Variants in RHOJ observed in about 807,000 individuals in gnomAD.
RHOJ encodes rho-related GTP-binding protein RhoJ.
Under a neutral mutation model 23.4 loss-of-function variants are expected in RHOJ, and 11 were observed. That is an observed-to-expected ratio of 0.47 (90% CI 0.30 to 0.78). The LOEUF (loss-of-function observed/expected upper bound fraction) is 0.78. RHOJ is among the 30% of genes least tolerant of loss of function. The pLI, the probability that RHOJ is intolerant of heterozygous loss-of-function variation, is 0.08. For synonymous variants in RHOJ, 102 were observed against 102.7 expected (o/e 0.99, Z 0.04); for missense variants, 254 against 273.4 (o/e 0.93, Z 0.50).
chr14:63,283,073 G>T (rs1332797022), intron 3 of RHOJ, 48 bp from the exon 4 acceptor site: 5 of 1,429,256 alleles, frequency 3.5e-6, no homozygotes, highest in East Asian at 4.5e-5. Flanking sequence ...AAAATATCTG[G>T]CAAGGCCTGA....
chr14:63,245,973 C>T (rs1306195078), intron 1 of RHOJ, among the ~76,000 whole-genome samples: 1 of 152,126 alleles, frequency 6.6e-6, no homozygotes, highest in Non-Finnish European at 1.5e-5. Flanking sequence ...TGATTTATGA[C>T]CTTGTCATAA....
intron 1 of RHOJ, among the ~76,000 whole-genome samples, chr14:63,211,949 C>A (rs1444831461): frequency 1.3e-5 from 2 of 152,170 alleles, no homozygotes; most frequent in African/African-American, 4.8e-5. Flanking sequence ...CTGCTATTAA[C>A]AAGTAAACCA....
At chr14:63,245,859 CAGA>C (rs540165208) in intron 1 of RHOJ, among the ~76,000 whole-genome samples, 59 of 152,292 alleles carry the variant, frequency 3.9e-4, no homozygotes, top group African/African-American at 1.4e-3. Context: ...TCAGAGTCAT[CAGA>C]AGAAGGGGGT....
At chr14:63,216,533 TTATTAGGAGGAAA>T (rs1894359719) in intron 1 of RHOJ, among the ~76,000 whole-genome samples, 1 of 152,190 alleles carries the variant, frequency 6.6e-6, no homozygotes, top group South Asian at 2.1e-4. Context: ...AAAGTAAGAA[TTATTAGGAGGAAA>T]ACAAGGCTAT....
rs937881361 is a variant in RHOJ at position 63,293,220 on chromosome 14, G to C, written c.*2196G>C. 5 of 152,322 alleles carry C rather than the reference G, an allele frequency of 3.3e-5. No individual in the cohort carries two copies. The highest frequency in any genetic ancestry group is 2.1e-4 in the South Asian group (1 of 4,824). 9.4% of individuals were successfully genotyped at this position (152,322 alleles called of 1,614,324 possible). A position where few individuals can be genotyped will look rare whatever the true frequency, so the allele number is the denominator to read the frequency against. The stretch of plus-strand genomic sequence containing the variant: ...GTAATAAATGAAATGTTATTAGGCA[G>C]CTTTGTTGCATGATTGCATAGTTAT... On this transcript the variant is annotated 3_prime_UTR_variant, in exon 5 of 5. Coordinates refer to ENST00000316754, the MANE Select transcript of RHOJ (RefSeq NM_020663.5).
At chr14:63,210,942 T>C (rs1281127356) in intron 1 of RHOJ, among the ~76,000 whole-genome samples, 1 of 152,168 alleles carries the variant, frequency 6.6e-6, no homozygotes, top group Non-Finnish European at 1.5e-5. Flanking sequence ...GCCATCAAAT[T>C]TGGAAAACCA....
chr14:63,290,358 C>T (rs1253546643), intron 4 of RHOJ, among the ~76,000 whole-genome samples: 1 of 152,144 alleles, frequency 6.6e-6, no homozygotes, highest in Non-Finnish European at 1.5e-5. Context: ...AAAACCATAT[C>T]ATTCACTCTC....
intron 1 of RHOJ, among the ~76,000 whole-genome samples, chr14:63,227,043 C>A (rs1894607235): frequency 6.6e-6 from 1 of 152,124 alleles, no homozygotes. Context: ...CCTCTGCCTC[C>A]TGGGTTCAAG....
intron 1 of RHOJ, among the ~76,000 whole-genome samples, chr14:63,264,965 G>C (rs771814490): frequency 6.6e-6 from 1 of 152,196 alleles, no homozygotes; most frequent in African/African-American, 2.4e-5. Flanking sequence ...TAGGTTGTCT[G>C]ATTACTCTGT....
intron 1 of RHOJ, among the ~76,000 whole-genome samples, chr14:63,245,701 G>C (rs1219490869): frequency 6.6e-6 from 1 of 152,096 alleles, no homozygotes; most frequent in Non-Finnish European, 1.5e-5. Flanking sequence ...GTACAAATCT[G>C]ATCTTAGACC....
intron 1 of RHOJ, among the ~76,000 whole-genome samples, chr14:63,259,947 A>C (rs1344654572): frequency 6.6e-6 from 1 of 152,242 alleles, no homozygotes; most frequent in Non-Finnish European, 1.5e-5. Flanking sequence ...ATATAATCTT[A>C]GGATGACAAC....
At position 63,230,852 on chromosome 14, in the gene RHOJ, T is replaced by TTTTTTC. The variant is rs1303312485; in HGVS notation, c.178+25810_178+25811insCTTTTT. Among the ~76,000 whole-genome samples the TTTTTTC allele has an allele frequency of 1.3e-5, 2 of 148,434 alleles. 1 individual carries two copies. The highest frequency in any genetic ancestry group is 3.9e-4 in the East Asian group (2 of 5,072). On this transcript the variant is annotated intron_variant, in intron 1 of 4. Transcript: ENST00000316754. ...ACAAGGGTACAAGGCTTTTTTTTTT[T>TTTTTTC]TTTTTTTAGATGGAGTCTCACTCTG...
chr14:63,284,153 C>T, intron 4 of RHOJ: 1 of 879,128 alleles, frequency 1.1e-6, no homozygotes, highest in African/African-American at 1.8e-5. Context: ...ATATTAACTA[C>T]AAATTCTTCA....
chr14:63,285,666 T>C (rs1882058943), intron 4 of RHOJ, among the ~76,000 whole-genome samples: 1 of 152,186 alleles, frequency 6.6e-6, no homozygotes, highest in Admixed American at 6.5e-5. Context: ...CTCCCTCTTC[T>C]TTCTATTACT....
chr14:63,271,925 T>G (rs1265270932), intron 2 of RHOJ, among the ~76,000 whole-genome samples: 1 of 152,236 alleles, frequency 6.6e-6, no homozygotes, highest in African/African-American at 2.4e-5. Context: ...GCAATGCTGC[T>G]GCTGGTCCCT....
Position 63,291,751 on chromosome 14 carries a change from A to G in RHOJ, c.*727A>G, listed in dbSNP as rs1301619852. 1 of 154,620 alleles carries G rather than the reference A, an allele frequency of 6.5e-6. No homozygotes were observed. Among genetic ancestry groups the G allele is most frequent in the African/African-American group, 2.4e-5 (1 of 41,456 alleles). The allele number at this position is 154,620 out of a possible 1,614,324, so 9.6% of individuals were successfully genotyped here. On this transcript the variant is annotated 3_prime_UTR_variant, in exon 5 of 5. Coordinates refer to ENST00000316754, the MANE Select transcript of RHOJ (RefSeq NM_020663.5). ...ACCATCTGAATTGTTGCAGGTCCAC[A>G]TTTTTGCCAAAGATACACTCTATAG...
chr14:63,256,037 TTTG>T (rs562807676), intron 1 of RHOJ, among the ~76,000 whole-genome samples: 5 of 151,960 alleles, frequency 3.3e-5, no homozygotes, highest in Admixed American at 6.6e-5. Flanking sequence ...CTAACTGTTT[TTTG>T]TTGTTGTTGT....
chr14:63,225,549 T>C (rs1185125861), intron 1 of RHOJ, among the ~76,000 whole-genome samples: 1 of 152,230 alleles, frequency 6.6e-6, no homozygotes, highest in Non-Finnish European at 1.5e-5. Context: ...GATATGACCA[T>C]GATTGTATAA....
At chr14:63,238,674 G>A (rs974416117) in intron 1 of RHOJ, among the ~76,000 whole-genome samples, 4 of 151,964 alleles carry the variant, frequency 2.6e-5, no homozygotes, top group African/African-American at 9.7e-5. Context: ...TGCCCACCTC[G>A]GCCTCCCAAA....
Sources: gnomAD v4.1 joint callset for allele counts (sites outside exome capture counted in the v4.1 genomes callset) on GRCh38, gnomAD v4.1.1 for gene constraint, MANE v1.5 for transcripts, NCBI Gene and HGNC (gene_info 2026-07-23, HGNC 2026-07-21) for gene names.